KIAA1755: variants seen among roughly 807,000 people sequenced by gnomAD.
KIAA1755 encodes KIAA1755.
KIAA1755 carries 68 observed loss-of-function variants against 91.7 expected under a neutral mutation model. The ratio of observed to expected loss-of-function variants is 0.74; its 90% CI spans 0.61 to 0.91. The LOEUF is 0.91. Among genes scored for constraint, KIAA1755 ranks in the 40% least tolerant of loss-of-function variants. The probability of loss-of-function intolerance (pLI) is 0.00; values close to 1 mark genes in which losing one functional copy is unlikely to be tolerated. For missense variants in KIAA1755, 1,535 were observed against 1,494.4 expected (o/e 1.03, Z -0.45); for synonymous variants, 610 against 604.6 (o/e 1.01, Z -0.13).
Position 38,217,481 on chromosome 20 carries a change from G to A in KIAA1755, c.2680-7C>T, listed in dbSNP as rs1167575753. On this transcript the variant is annotated splice_polypyrimidine_tract_variant and splice_region_variant and intron_variant, in intron 12 of 13. Coordinates refer to ENST00000279024, the MANE Select transcript of KIAA1755 (RefSeq NM_001029864.2). The stretch of plus-strand genomic sequence containing the variant: ...GGCCTCGGCGGTACTGGGCCTGAGA[G>A]GGGAGAGGAGGGGGCGCCCACTCAG... The A allele has an allele frequency of 4.4e-6, 7 of 1,584,156 alleles. No individual in the cohort carries two copies. The highest frequency in any genetic ancestry group is 5.2e-6 in the Non-Finnish European group (6 of 1,163,518).
chr20:38,259,363 G>A (rs2123373999), intron 1 of KIAA1755, among the ~76,000 whole-genome samples: 1 of 152,216 alleles, frequency 6.6e-6, no homozygotes, highest in African/African-American at 2.4e-5. Context: ...GGGAGCAGGT[G>A]CAGAAGGCAT....
In KIAA1755 at chr20:38,213,084, G is replaced by T. The variant is rs753813944; in HGVS notation, c.3561C>A (p.Ser1187=). The change falls in exon 14 of 14, where the codon TCC becomes TCA. Residue 1187 remains serine (S), a synonymous_variant. Coordinates refer to ENST00000279024, the MANE Select transcript of KIAA1755 (RefSeq NM_001029864.2). ...GACTTGTCTGGGGTGAGTCCTCAAG[G>T]GATGTCTGTGAGTCTGTCCCCTCTG... ...FSSEGTDSQT[S]LEDSPQTSPL... is the part of the protein sequence containing the mutation. 6.3e-6 allele frequency: 10 copies of T among 1,579,186 alleles called. No homozygotes were observed. Among genetic ancestry groups the T allele is most frequent in the Middle Eastern group, 1.7e-4 (1 of 5,864 alleles).
chr20:38,258,536 TAAAGG>T (rs1323423085), intron 1 of KIAA1755, among the ~76,000 whole-genome samples: 2 of 152,120 alleles, frequency 1.3e-5, no homozygotes, highest in African/African-American at 4.8e-5. Flanking sequence ...TGGGTTATCA[TAAAGG>T]AAAGATACAT....
intron 1 of KIAA1755, among the ~76,000 whole-genome samples, chr20:38,259,253 G>A (rs1178281734): frequency 1.3e-5 from 2 of 152,206 alleles, no homozygotes; most frequent in East Asian, 3.9e-4. Flanking sequence ...AGAGCCATGT[G>A]TGTGTACACC....
At chr20:38,218,973 CT>C (rs1439398687) in intron 11 of KIAA1755, among the ~76,000 whole-genome samples, 1 of 152,166 alleles carries the variant, frequency 6.6e-6, no homozygotes, top group Non-Finnish European at 1.5e-5. Context: ...TCTGGGGCAT[CT>C]TAAAGAGCCT....
At chr20:38,244,131 C>G (rs546158875) in intron 2 of KIAA1755, among the ~76,000 whole-genome samples, 1 of 152,024 alleles carries the variant, frequency 6.6e-6, no homozygotes, top group East Asian at 1.9e-4. Context: ...AATAAAGACG[C>G]GGAAATGTTG....
rs1004639961 is a variant in KIAA1755, at chr20:38,240,630, A to G, written c.1501T>C (p.Cys501Arg). 6 of 1,516,816 alleles carry G rather than the reference A, an allele frequency of 4.0e-6. No homozygotes were observed. In the South Asian group the frequency reaches 8.0e-5, roughly 20 times the overall value. 94.0% of individuals were successfully genotyped at this position (1,516,816 alleles called of 1,614,324 possible). Reference sequence around the variant, plus strand: ...TTGGGTTTAGGAGAGTAGAGGGAACACAGGACTTTCCAGGGCCCATTGTGC... The same window carrying G: ...TTGGGTTTAGGAGAGTAGAGGGAACGCAGGACTTTCCAGGGCCCATTGTGC... ...LQHNGPWKVL[C>R]SLYSPKPNRA... The change falls in exon 3 of 14, where the codon TGT (cysteine) becomes CGT (arginine). Residue 501 changes from cysteine (C) to arginine (R), a missense_variant. Cys to Arg is a radical substitution (Grantham distance 180). Transcript: ENST00000279024.
At chr20:38,253,581 A>C (rs531899095) in intron 1 of KIAA1755, among the ~76,000 whole-genome samples, 2 of 152,300 alleles carry the variant, frequency 1.3e-5, no homozygotes, top group East Asian at 3.9e-4. Context: ...GTCATACCGT[A>C]TGATCTATAG....
At chr20:38,245,048 G>A (rs984177808) in intron 2 of KIAA1755, among the ~76,000 whole-genome samples, 1 of 152,110 alleles carries the variant, frequency 6.6e-6, no homozygotes, top group African/African-American at 2.4e-5. Context: ...TCTTAAAACA[G>A]CTCCACCCTC....
At chr20:38,228,069 C>G in intron 6 of KIAA1755, 78 bp downstream of exon 6, 1 of 1,080,918 alleles carries the variant, frequency 9.3e-7, no homozygotes, top group Non-Finnish European at 1.3e-6. Flanking sequence ...CTTAAGCACC[C>G]CCGGACTCTA....
intron 11 of KIAA1755, 33 bp downstream of exon 11, chr20:38,219,597 A>G (rs780309546): frequency 1.2e-6 from 2 of 1,612,160 alleles, no homozygotes; most frequent in East Asian, 4.5e-5. Context: ...GCCAGGCAGA[A>G]CCCCCACACC....
At chr20:38,223,845 A>T (rs2075707012) in intron 8 of KIAA1755, among the ~76,000 whole-genome samples, 1 of 152,132 alleles carries the variant, frequency 6.6e-6, no homozygotes, top group Non-Finnish European at 1.5e-5. Context: ...GCATGGTAGA[A>T]AGTGCATTTC....
chr20:38,230,108 AGGGGCTG>A (rs1039004196), intron 5 of KIAA1755, among the ~76,000 whole-genome samples: 6 of 152,280 alleles, frequency 3.9e-5, no homozygotes, highest in African/African-American at 1.4e-4. Context: ...TGCCCTGGCT[AGGGGCTG>A]GGTCCCGAGG....
intron 11 of KIAA1755, 83 bp downstream of exon 11, chr20:38,219,547 T>C (rs1265513378): frequency 6.4e-7 from 1 of 1,555,232 alleles, no homozygotes; most frequent in Non-Finnish European, 8.7e-7. Flanking sequence ...AGCACCTGAC[T>C]AGGGACGGGC....
intron 1 of KIAA1755, among the ~76,000 whole-genome samples, chr20:38,253,543 T>A (rs1473615832): frequency 6.6e-6 from 1 of 152,130 alleles, no homozygotes; most frequent in Non-Finnish European, 1.5e-5. Flanking sequence ...CACCCCTGAC[T>A]ATTGGAATTT....
rs546331642 is a variant in KIAA1755 at position 38,218,445 on chromosome 20, G to C, written c.2557-79C>G. 1.4e-4 allele frequency: 226 copies of C among 1,571,446 alleles called. 3 individuals are homozygous for C. The Admixed American group carries it at 3.6e-3, about 25-fold the overall frequency. On this transcript the variant is annotated intron_variant, in intron 11 of 13. Transcript: ENST00000279024. ...GTCCAGCTCCCCCACTTCCTTGCAG[G>C]CTGAGGTCTTCTGTCTTCACTCATT...
At chr20:38,214,778 A>G (rs1324390618) in intron 13 of KIAA1755, among the ~76,000 whole-genome samples, 1 of 152,222 alleles carries the variant, frequency 6.6e-6, no homozygotes, top group Non-Finnish European at 1.5e-5. Context: ...AAACGTCTGC[A>G]GACTGCAAAG....
Position 38,211,128 on chromosome 20 carries a change from A to G in KIAA1755, c.*1914T>C, listed in dbSNP as rs565057392. ...GGAAGCCTTTTGACCGGCTCTGCTC[A>G]TGGCTCTGAGGCAGGCAGGCCCTAG... On this transcript the variant is annotated 3_prime_UTR_variant, in exon 14 of 14. Coordinates refer to ENST00000279024, the MANE Select transcript of KIAA1755 (RefSeq NM_001029864.2). The G allele has an allele frequency of 4.6e-5, 7 of 152,336 alleles. No homozygotes were observed. The highest frequency in any genetic ancestry group is 7.3e-5 in the Non-Finnish European group (5 of 68,054). The allele number at this position is 152,336 out of a possible 1,614,324, so 9.4% of individuals were successfully genotyped here.
intron 10 of KIAA1755, 42 bp from the exon 11 acceptor site, chr20:38,219,810 C>T: frequency 6.2e-7 from 1 of 1,610,596 alleles, no homozygotes; most frequent in Non-Finnish European, 8.5e-7. Context: ...CTGTTGCCCT[C>T]TTCACCCTGC....
Sources: gnomAD v4.1 joint callset for allele counts (sites outside exome capture counted in the v4.1 genomes callset) on GRCh38, gnomAD v4.1.1 for gene constraint, MANE v1.5 for transcripts, NCBI Gene and HGNC (gene_info 2026-07-23, HGNC 2026-07-21) for gene names.